The following ENTREP2 variants were observed in gnomAD, a reference collection of about 807,000 sequenced individuals.
ENTREP2 encodes the protein protein ENTREP2.
the ENTREP2 span, among the ~76,000 whole-genome samples, chr15:29,443,587 T>A: frequency 6.6e-6 from 1 of 151,910 alleles, no homozygotes; most frequent in Non-Finnish European, 1.5e-5. Flanking sequence ...CCAAGAAGTG[T>A]CCGAGGCAGA....
At chr15:29,613,116 C>G in the ENTREP2 span, among the ~76,000 whole-genome samples, 1 of 152,192 alleles carries the variant, frequency 6.6e-6, no homozygotes, top group East Asian at 1.9e-4. Context: ...CCTTTTCACT[C>G]CCTGAACCTT....
chr15:29,166,505 G>A, the ENTREP2 span, among the ~76,000 whole-genome samples: 6 of 152,144 alleles, frequency 3.9e-5, no homozygotes, highest in Non-Finnish European at 7.4e-5. Context: ...ACAGAAGTCA[G>A]TAGCTCTTCT....
chr15:29,445,061 T>C, the ENTREP2 span, among the ~76,000 whole-genome samples: 1 of 152,168 alleles, frequency 6.6e-6, no homozygotes, highest in Admixed American at 6.5e-5. Flanking sequence ...CCAACTGCTA[T>C]GGTCTAAATG....
the ENTREP2 span, among the ~76,000 whole-genome samples, chr15:29,264,746 G>A: frequency 3.3e-5 from 5 of 152,090 alleles, no homozygotes; most frequent in Admixed American, 1.3e-4. Context: ...TTTGCACTGG[G>A]CTTGCAACTT....
chr15:29,638,603 G>A, the ENTREP2 span, among the ~76,000 whole-genome samples: 1 of 152,226 alleles, frequency 6.6e-6, no homozygotes, highest in Non-Finnish European at 1.5e-5. Context: ...AGGGCTGGGT[G>A]TGGTGGTTCA....
At chr15:29,608,437 C>G in the ENTREP2 span, among the ~76,000 whole-genome samples, 1 of 151,922 alleles carries the variant, frequency 6.6e-6, no homozygotes. Flanking sequence ...AGCGCTTTCT[C>G]CTGAGTGTGG....
the ENTREP2 span, among the ~76,000 whole-genome samples, chr15:29,665,842 T>C: frequency 6.6e-6 from 1 of 151,942 alleles, no homozygotes; most frequent in East Asian, 1.9e-4. Flanking sequence ...AAGGAACTTG[T>C]TTACATCATC....
the ENTREP2 span, among the ~76,000 whole-genome samples, chr15:29,464,967 G>A: frequency 3.9e-5 from 6 of 152,064 alleles, no homozygotes; most frequent in Non-Finnish European, 7.4e-5. Flanking sequence ...CAAATGTTCC[G>A]CAATTTGGTA....
the ENTREP2 span, among the ~76,000 whole-genome samples, chr15:29,554,437 G>T: frequency 6.6e-6 from 1 of 151,432 alleles, no homozygotes; most frequent in African/African-American, 2.4e-5. Flanking sequence ...GAGGGAAGGG[G>T]GAAGGAGAGC....
chr15:29,182,186 G>A, the ENTREP2 span, among the ~76,000 whole-genome samples: 2 of 150,910 alleles, frequency 1.3e-5, no homozygotes, highest in Non-Finnish European at 1.5e-5. Flanking sequence ...CTGCAGTGGC[G>A]CTATCTCAGC....
the ENTREP2 span, among the ~76,000 whole-genome samples, chr15:29,408,251 A>G: frequency 1.3e-5 from 2 of 152,182 alleles, no homozygotes; most frequent in African/African-American, 4.8e-5. Flanking sequence ...TAAAAAAAAG[A>G]CATGCATAGT....
At chr15:29,172,042 CAA>C in the ENTREP2 span, among the ~76,000 whole-genome samples, 2 of 152,036 alleles carry the variant, frequency 1.3e-5, no homozygotes, top group South Asian at 2.1e-4. Context: ...CCCAAAGAAA[CAA>C]AGAGTATTAG....
chr15:29,607,304 CTTTTTTT>C, the ENTREP2 span, among the ~76,000 whole-genome samples: 1 of 131,778 alleles, frequency 7.6e-6, no homozygotes, highest in East Asian at 2.2e-4. Context: ...CTCTTCATTT[CTTTTTTT>C]TTTTTTTTGT....
At chr15:29,192,870 A>T in the ENTREP2 span, among the ~76,000 whole-genome samples, 1 of 152,234 alleles carries the variant, frequency 6.6e-6, no homozygotes, top group African/African-American at 2.4e-5. Flanking sequence ...GTATAGCAAC[A>T]TCTAAGCAGA....
the ENTREP2 span, among the ~76,000 whole-genome samples, chr15:29,611,378 A>T: frequency 1.0e-4 from 15 of 146,366 alleles, no homozygotes; most frequent in African/African-American, 1.8e-4. Flanking sequence ...AAAACTCATT[A>T]AAAAAAAAAC....
the ENTREP2 span, among the ~76,000 whole-genome samples, chr15:29,514,355 A>C: frequency 3.3e-5 from 5 of 152,254 alleles, no homozygotes; most frequent in Non-Finnish European, 7.4e-5. Flanking sequence ...AATGTCCTCA[A>C]AGTTCATCCA....
the ENTREP2 span, among the ~76,000 whole-genome samples, chr15:29,185,997 CGTTT>C: frequency 6.6e-6 from 1 of 152,172 alleles, no homozygotes; most frequent in Non-Finnish European, 1.5e-5. Flanking sequence ...TGTCCTCTCC[CGTTT>C]GTTTACTCAT....
the ENTREP2 span, among the ~76,000 whole-genome samples, chr15:29,397,910 G>T: frequency 6.6e-6 from 1 of 151,988 alleles, no homozygotes; most frequent in South Asian, 2.1e-4. Context: ...CTTTTAAACA[G>T]AAGTACATTG....
At chr15:29,164,648 CA>C in the ENTREP2 span, among the ~76,000 whole-genome samples, 1 of 152,110 alleles carries the variant, frequency 6.6e-6, no homozygotes, top group East Asian at 1.9e-4. Flanking sequence ...AAAATATATG[CA>C]TCTAACACTG....
Sources: allele counts gnomAD v4.1 joint callset (sites outside exome capture counted in the v4.1 genomes callset), GRCh38; gene constraint gnomAD v4.1.1; transcripts MANE v1.5; gene names NCBI Gene and HGNC (gene_info 2026-07-23, HGNC 2026-07-21).